SLC30A9: variants seen among roughly 807,000 people sequenced by gnomAD.
SLC30A9 encodes the protein proton-coupled zinc antiporter SLC30A9, mitochondrial.
In SLC30A9, 58 loss-of-function variants were observed where a neutral mutation model predicts 87.5. That is an observed-to-expected ratio of 0.66 (90% CI 0.54 to 0.82). SLC30A9 has a LOEUF of 0.82. Among genes scored for constraint, SLC30A9 ranks in the 40% least tolerant of loss-of-function variants. The probability of loss-of-function intolerance (pLI) is 0.00; values close to 1 mark genes in which losing one functional copy is unlikely to be tolerated. For synonymous variants in SLC30A9, 234 were observed against 233.0 expected (o/e 1.00, Z -0.04); for missense variants, 557 against 679.1 (o/e 0.82, Z 2.00).
At chr4:42,051,990 A>G (rs1328334633) in intron 9 of SLC30A9, among the ~76,000 whole-genome samples, 1 of 149,826 alleles carries the variant, frequency 6.7e-6, no homozygotes, top group Admixed American at 6.7e-5. Context: ...ATATAAATAT[A>G]TAAATATGAT....
At chr4:42,001,560 T>C in intron 1 of SLC30A9, 56 bp from the exon 2 acceptor site, 1 of 1,156,528 alleles carries the variant, frequency 8.6e-7, no homozygotes, top group African/African-American at 1.6e-5. Context: ...GCTTGGCAAT[T>C]AATTATGCAG....
At chr4:42,061,514 A>G (rs1040156992) in intron 10 of SLC30A9, among the ~76,000 whole-genome samples, 1 of 152,182 alleles carries the variant, frequency 6.6e-6, no homozygotes, top group African/African-American at 2.4e-5. Flanking sequence ...GAGTGAGCTG[A>G]TTGTCACATT....
intron 2 of SLC30A9, among the ~76,000 whole-genome samples, chr4:42,012,694 T>G (rs1183561781): frequency 6.6e-6 from 1 of 152,156 alleles, no homozygotes; most frequent in Non-Finnish European, 1.5e-5. Context: ...TAGTAGATCT[T>G]TTTCTATTTT....
intron 2 of SLC30A9, among the ~76,000 whole-genome samples, chr4:42,010,665 C>T (rs1488758895): frequency 1.3e-5 from 2 of 152,040 alleles, no homozygotes; most frequent in Non-Finnish European, 2.9e-5. Context: ...TTCATATAAG[C>T]TTTGAAAGAG....
At chr4:42,060,408 A>G (rs770632089) in intron 10 of SLC30A9, among the ~76,000 whole-genome samples, 162 bp downstream of exon 10, 1 of 152,162 alleles carries the variant, frequency 6.6e-6, no homozygotes, top group Non-Finnish European at 1.5e-5. Context: ...CACTGTGTCA[A>G]AGTAAATTCA....
intron 15 of SLC30A9, 59 bp downstream of exon 15, chr4:42,070,750 T>A (rs1718282512): frequency 7.1e-7 from 1 of 1,411,388 alleles, no homozygotes; most frequent in East Asian, 2.3e-5. Flanking sequence ...AAAACAGAAA[T>A]GCCTGGTTTG....
chr4:42,010,476 CAAAATAAAAT>C lies in SLC30A9; in HGVS notation c.275-7616_275-7607del, dbSNP rs369461044. 1.0e-2 allele frequency among the ~76,000 whole-genome samples: 1,514 copies of C among 152,022 alleles called. 29 individuals carry two copies. The highest frequency in any genetic ancestry group is 0.035 in the African/African-American group (1,448 of 41,448). On this transcript the variant is annotated intron_variant, in intron 2 of 17. Coordinates refer to ENST00000264451, the MANE Select transcript of SLC30A9 (RefSeq NM_006345.4). ...TGGGCGACACAGCAAGATCCTGTCT[CAAAATAAAAT>C]AAAATAAAATAAAATAAACACACAC...
At chr4:42,040,482 G>A (rs1370068652) in intron 8 of SLC30A9, among the ~76,000 whole-genome samples, 2 of 152,212 alleles carry the variant, frequency 1.3e-5, no homozygotes, top group Middle Eastern at 3.4e-3. Flanking sequence ...AGGAATGTAT[G>A]TATATATAGT....
intron 6 of SLC30A9, chr4:42,029,408 C>T: frequency 1.6e-6 from 1 of 618,104 alleles, no homozygotes; most frequent in Non-Finnish European, 3.1e-6. Flanking sequence ...TTTAAACCCA[C>T]ATATCAGAAC....
intron 8 of SLC30A9, among the ~76,000 whole-genome samples, chr4:42,048,161 G>A (rs913589414): frequency 2.0e-5 from 3 of 152,030 alleles, no homozygotes; most frequent in Non-Finnish European, 2.9e-5. Context: ...AACCACCATG[G>A]CACATGTATA....
chr4:42,045,980 A>T (rs1717134256), intron 8 of SLC30A9, among the ~76,000 whole-genome samples: 3 of 152,204 alleles, frequency 2.0e-5, no homozygotes, highest in South Asian at 4.1e-4. Context: ...CAATACAAAA[A>T]CCAAATGATT....
intron 1 of SLC30A9, among the ~76,000 whole-genome samples, chr4:41,997,894 C>T (rs1225803451): frequency 1.3e-5 from 2 of 152,228 alleles, no homozygotes; most frequent in African/African-American, 2.4e-5. Context: ...AGTAAGGAGA[C>T]TGAAATCTAG....
intron 1 of SLC30A9, among the ~76,000 whole-genome samples, chr4:41,993,044 CTG>C (rs903123840): frequency 6.6e-6 from 1 of 151,768 alleles, no homozygotes; most frequent in African/African-American, 2.4e-5. Flanking sequence ...AAAATAGAAA[CTG>C]TCTAAAAGAA....
intron 9 of SLC30A9, among the ~76,000 whole-genome samples, chr4:42,054,911 G>A (rs760942533): frequency 1.3e-5 from 2 of 152,134 alleles, no homozygotes; most frequent in African/African-American, 2.4e-5. Flanking sequence ...GAAATGGTAC[G>A]ATGCTTGGAA....
intron 2 of SLC30A9, among the ~76,000 whole-genome samples, chr4:42,005,295 G>A (rs1283852613): frequency 6.6e-6 from 1 of 152,188 alleles, no homozygotes; most frequent in Non-Finnish European, 1.5e-5. Flanking sequence ...CTACTCTCCA[G>A]TAGCATTATT....
rs886441771 is a variant in SLC30A9, at chr4:42,043,963, C to G, written c.737+4910C>G. On this transcript the variant is annotated intron_variant, in intron 8 of 17. Transcript: ENST00000264451. ...TTTAACCCAGAATTTCATATCCAGC[C>G]AAACTAAGCTTCATAAGCGAAGGAG... 2.0e-5 allele frequency among the ~76,000 whole-genome samples: 3 copies of G among 152,228 alleles called. No individual in the cohort carries two copies. In the East Asian group the frequency reaches 5.8e-4, roughly 29 times the overall value.
At chr4:42,069,537 G>A (rs941214452) in intron 14 of SLC30A9, among the ~76,000 whole-genome samples, 3 of 152,068 alleles carry the variant, frequency 2.0e-5, no homozygotes, top group African/African-American at 7.2e-5. Flanking sequence ...TTAACACTTA[G>A]TATAGATTAA....
intron 2 of SLC30A9, among the ~76,000 whole-genome samples, chr4:42,015,445 A>G (rs1490524009): frequency 1.3e-5 from 2 of 152,208 alleles, no homozygotes; most frequent in Non-Finnish European, 2.9e-5. Flanking sequence ...AGAAGTACAA[A>G]TGTACCACAG....
intron 2 of SLC30A9, among the ~76,000 whole-genome samples, chr4:42,011,269 A>C (rs1257086099): frequency 2.0e-5 from 3 of 152,200 alleles, no homozygotes; most frequent in Non-Finnish European, 4.4e-5. Flanking sequence ...TAAAACCATC[A>C]GATCTGGTGA....
Sources: allele counts gnomAD v4.1 joint callset (sites outside exome capture counted in the v4.1 genomes callset), GRCh38; gene constraint gnomAD v4.1.1; transcripts MANE v1.5; gene names NCBI Gene and HGNC (gene_info 2026-07-23, HGNC 2026-07-21).